EYS: variants seen among roughly 807,000 people sequenced by gnomAD.
EYS encodes EGF-like photoreceptor maintenance factor.
A neutral mutation model predicts 282.1 loss-of-function variants in EYS; 250 were observed. The observed-to-expected ratio is 0.89, with a 90% CI of 0.80 to 0.98. EYS has a LOEUF of 0.98. Among genes scored for constraint, EYS ranks in the 50% least tolerant of loss-of-function variants. EYS has a pLI of 0.00. For synonymous variants in EYS, 1,355 were observed against 1,282.9 expected, an observed-to-expected ratio of 1.06 and a Z score of -1.20; for missense variants, 4,016 against 3,709.0, an observed-to-expected ratio of 1.08 and a Z score of -2.15.
At chr6:63,783,162 T>C (rs1190081309) in intron 39 of EYS, among the ~76,000 whole-genome samples, 1 of 152,178 alleles carries the variant, frequency 6.6e-6, no homozygotes, top group Non-Finnish European at 1.5e-5. Context: ...TCTGAATCTA[T>C]CTCATGTCCA....
chr6:65,454,042 C>T (rs1016575896), intron 5 of EYS, among the ~76,000 whole-genome samples: 2 of 118,266 alleles, frequency 1.7e-5, no homozygotes, highest in Admixed American at 1.9e-4. Flanking sequence ...GGATACATAA[C>T]CACTGGGGGA....
rs183356400 is a variant in EYS, at chr6:64,550,698, A to G, written c.5644+39525T>C. On this transcript the variant is annotated intron_variant, in intron 26 of 42. Transcript: ENST00000503581. ...CCCTGTTTTCAGATGACATGATTGT[A>G]TATCTAGAAAACCCCATCGTCTCAG... Among the ~76,000 whole-genome samples, 1,307 of 152,282 alleles carry G rather than the reference A, an allele frequency of 8.6e-3. 4 individuals carry two copies. Among genetic ancestry groups the G allele is most frequent in the Non-Finnish European group, 0.013 (873 of 68,028 alleles).
chr6:65,353,625 A>C lies in EYS; in HGVS notation c.1300-8T>G. On this transcript the variant is annotated splice_polypyrimidine_tract_variant and splice_region_variant and intron_variant, in intron 8 of 42. Coordinates refer to ENST00000503581, the MANE Select transcript of EYS (RefSeq NM_001142800.2). ...CCCTGGAATGCATACATACTGCAAAAAGGAAACAAGGAAAAATGGTAAATT... is the reference window on the plus strand; with the variant it reads ...CCCTGGAATGCATACATACTGCAAACAGGAAACAAGGAAAAATGGTAAATT... 6.2e-7 allele frequency: 1 copy of C among 1,606,506 alleles called. No individual in the cohort carries two copies. The highest frequency in any genetic ancestry group is 8.5e-7 in the Non-Finnish European group (1 of 1,173,708).
At chr6:65,659,537 A>AGT (rs540441224) in intron 1 of EYS, among the ~76,000 whole-genome samples, 30 of 151,814 alleles carry the variant, frequency 2.0e-4, no homozygotes, top group Admixed American at 1.4e-3. Flanking sequence ...TCACTACTGG[A>AGT]GTATATATAC....
chr6:63,889,107 A>C (rs1463132337), intron 35 of EYS, among the ~76,000 whole-genome samples: 3 of 152,222 alleles, frequency 2.0e-5, no homozygotes, highest in Non-Finnish European at 4.4e-5. Context: ...AATGGAAAGG[A>C]ATAAACAAGG....
intron 19 of EYS, among the ~76,000 whole-genome samples, chr6:64,867,556 A>G (rs1766461673): frequency 6.6e-6 from 1 of 151,690 alleles, no homozygotes; most frequent in Admixed American, 6.6e-5. Flanking sequence ...TCAATATTCC[A>G]TTGTCAATGA....
At chr6:65,128,307 T>G (rs1337086829) in intron 12 of EYS, among the ~76,000 whole-genome samples, 2 of 151,988 alleles carry the variant, frequency 1.3e-5, no homozygotes, top group Non-Finnish European at 2.9e-5. Flanking sequence ...CTATTCAATA[T>G]AGTATTGAAA....
At chr6:65,297,002 A>C (rs1021159920) in intron 11 of EYS, among the ~76,000 whole-genome samples, 14 of 151,748 alleles carry the variant, frequency 9.2e-5, no homozygotes, top group Non-Finnish European at 1.3e-4. Context: ...AGAAACACAC[A>C]CACATCTGTT....
chr6:64,645,724 TAG>T (rs1440830607), intron 22 of EYS, among the ~76,000 whole-genome samples: 2 of 152,228 alleles, frequency 1.3e-5, no homozygotes, highest in East Asian at 3.8e-4. Flanking sequence ...ATAAACTTAT[TAG>T]AATGCTGTCA....
At chr6:65,157,801 C>A (rs757756580) in intron 12 of EYS, among the ~76,000 whole-genome samples, 115 of 150,388 alleles carry the variant, frequency 7.6e-4, no homozygotes, top group Non-Finnish European at 1.5e-3. Context: ...TTTTTCCCCC[C>A]ATATTATAAC....
intron 35 of EYS, among the ~76,000 whole-genome samples, chr6:63,943,673 A>G (rs2149759680): frequency 6.6e-6 from 1 of 152,316 alleles, no homozygotes; most frequent in African/African-American, 2.4e-5. Context: ...TCAAACTTGT[A>G]CTGTTCCTAT....
intron 41 of EYS, among the ~76,000 whole-genome samples, chr6:63,739,840 C>G (rs889776326): frequency 5.3e-5 from 8 of 149,562 alleles, no homozygotes. Context: ...ATTACAGGTG[C>G]ATGCCACCAC....
rs142865012 is a variant in EYS, at chr6:65,646,394, C to A, written c.-447-6502G>T. ...TATCTGCAAGTCAATAAATGTGATA[C>A]CCAACATAAACAGAATTAAAAACGA... On this transcript the variant is annotated intron_variant, in intron 1 of 42. Transcript: ENST00000503581. Among the ~76,000 whole-genome samples the A allele has an allele frequency of 1.3e-3, 203 of 152,130 alleles. 1 individual carries two copies. Among genetic ancestry groups the A allele is most frequent in the African/African-American group, 4.6e-3 (190 of 41,522 alleles).
chr6:64,130,747 A>G (rs1773947651), intron 31 of EYS, among the ~76,000 whole-genome samples: 1 of 152,208 alleles, frequency 6.6e-6, no homozygotes. Context: ...ATACAACTAA[A>G]CATGGCATAT....
At chr6:65,672,525 C>T (rs2149833249) in intron 1 of EYS, among the ~76,000 whole-genome samples, 1 of 152,150 alleles carries the variant, frequency 6.6e-6, no homozygotes, top group African/African-American at 2.4e-5. Context: ...GGAGAGGGGG[C>T]TACTTTTCAA....
chr6:65,519,152 A>G (rs1410808267), intron 2 of EYS, among the ~76,000 whole-genome samples: 8 of 152,114 alleles, frequency 5.3e-5, no homozygotes, highest in African/African-American at 1.7e-4. Context: ...GCACACTATT[A>G]ATAATGCTAA....
chr6:64,156,745 AC>A (rs1233251737), intron 31 of EYS, among the ~76,000 whole-genome samples: 1 of 152,140 alleles, frequency 6.6e-6, no homozygotes, highest in Non-Finnish European at 1.5e-5. Flanking sequence ...TTTTGCCCCT[AC>A]CCTAGAGATT....
chr6:64,828,553 G>A (rs958861691), intron 19 of EYS, among the ~76,000 whole-genome samples: 3 of 152,004 alleles, frequency 2.0e-5, no homozygotes, highest in Admixed American at 6.6e-5. Context: ...TAAAATATAT[G>A]TAGCAGAGAA....
chr6:64,751,710 C>T (rs947027633), intron 22 of EYS, among the ~76,000 whole-genome samples: 19 of 152,212 alleles, frequency 1.2e-4, no homozygotes, highest in Non-Finnish European at 2.6e-4. Flanking sequence ...GGTGGAACTG[C>T]ACAACCTAAT....
Sources: allele counts gnomAD v4.1 joint callset (sites outside exome capture counted in the v4.1 genomes callset), GRCh38; gene constraint gnomAD v4.1.1; transcripts MANE v1.5; gene names NCBI Gene and HGNC (gene_info 2026-07-23, HGNC 2026-07-21).